ELAVL4: variants seen among roughly 807,000 people sequenced by gnomAD.
ELAVL4 encodes the protein ELAV-like protein 4.
A neutral mutation model predicts 35.6 loss-of-function variants in ELAVL4; 1 was observed. That is an observed-to-expected ratio of 0.03 (90% CI 0.01 to 0.13). The LOEUF (loss-of-function observed/expected upper bound fraction) is 0.13, where lower values mean the gene tolerates loss of function less well. Ranked by LOEUF, ELAVL4 falls within the 10% of genes least tolerant of loss-of-function variation. ELAVL4 has a pLI of 1.00. For missense variants in ELAVL4, 267 were observed against 464.9 expected (o/e 0.57, Z 3.91); for synonymous variants, 156 against 171.0 (o/e 0.91, Z 0.69).
intron 1 of ELAVL4, among the ~76,000 whole-genome samples, chr1:50,076,304 C>T (rs533921980): frequency 2.6e-5 from 4 of 152,152 alleles, no homozygotes; most frequent in African/African-American, 7.2e-5. Context: ...TCCCAACCTT[C>T]GTCAAAAATG....
intron 2 of ELAVL4, among the ~76,000 whole-genome samples, chr1:50,162,430 G>A (rs189149160): frequency 7.4e-4 from 112 of 152,274 alleles, no homozygotes; most frequent in Middle Eastern, 3.4e-3. Flanking sequence ...AATACCTACT[G>A]TAGGCCAGGC....
upstream of ELAVL4, among the ~76,000 whole-genome samples, chr1:50,102,266 T>C (rs1321006050): frequency 6.6e-6 from 1 of 150,496 alleles, no homozygotes; most frequent in African/African-American, 2.5e-5. Context: ...AGCCTGGGCG[T>C]CAAAGCGAGA....
At chr1:50,066,474 G>A (rs928292609) in intron 1 of ELAVL4, among the ~76,000 whole-genome samples, 9 of 152,054 alleles carry the variant, frequency 5.9e-5, no homozygotes, top group Non-Finnish European at 1.2e-4. Context: ...TGATACTCCA[G>A]CCTAAATCCC....
intron 1 of ELAVL4, chr1:50,109,522 T>C: frequency 2.8e-6 from 1 of 358,084 alleles, no homozygotes. Context: ...AGAAGGGTTT[T>C]CTTTTTTGTA....
At chr1:50,106,188 C>A, upstream of ELAVL4, 2 of 773,124 alleles carry the variant, frequency 2.6e-6, no homozygotes. Flanking sequence ...GGCTTCTCCA[C>A]TGCGCGGAGT....
chr1:50,150,064 A>G (rs1674509450), intron 2 of ELAVL4, among the ~76,000 whole-genome samples: 1 of 152,192 alleles, frequency 6.6e-6, no homozygotes, highest in Admixed American at 6.5e-5. Context: ...ATAGAGCTAA[A>G]ATTTTAGTCA....
intron 5 of ELAVL4, among the ~76,000 whole-genome samples, chr1:50,196,281 T>C (rs974549079): frequency 5.3e-5 from 8 of 152,180 alleles, no homozygotes; most frequent in Non-Finnish European, 8.8e-5. Flanking sequence ...TTATGTTAAG[T>C]CAGTAGATTC....
intron 1 of ELAVL4, among the ~76,000 whole-genome samples, chr1:50,125,809 T>C (rs570086020): frequency 2.4e-4 from 37 of 152,198 alleles, no homozygotes; most frequent in African/African-American, 8.9e-4. Flanking sequence ...CATAGGATTC[T>C]ACCTTTCCAT....
intron 2 of ELAVL4, among the ~76,000 whole-genome samples, chr1:50,147,598 C>T (rs934827655): frequency 6.6e-6 from 1 of 152,152 alleles, no homozygotes; most frequent in Non-Finnish European, 1.5e-5. Flanking sequence ...AGGTATATCA[C>T]ACCAGGCAAG....
chr1:50,078,968 C>T (rs1372878130), intron 1 of ELAVL4, among the ~76,000 whole-genome samples: 1 of 152,172 alleles, frequency 6.6e-6, no homozygotes, highest in Non-Finnish European at 1.5e-5. Context: ...CCATTGAGTA[C>T]CATCCATTAA....
At chr1:50,153,459 G>T (rs1476836952) in intron 2 of ELAVL4, among the ~76,000 whole-genome samples, 1 of 152,226 alleles carries the variant, frequency 6.6e-6, no homozygotes, top group Admixed American at 6.5e-5. Flanking sequence ...TAGGGCATCT[G>T]ACTGCAAAGT....
chr1:50,197,369 C>A, intron 5 of ELAVL4, 60 bp from the exon 6 acceptor site: 1 of 1,504,200 alleles, frequency 6.6e-7, no homozygotes, highest in Non-Finnish European at 8.9e-7. Flanking sequence ...ATTAATAGTT[C>A]CATTGAGCGA....
intron 2 of ELAVL4, among the ~76,000 whole-genome samples, chr1:50,164,317 G>A (rs1677347080): frequency 6.6e-6 from 1 of 152,184 alleles, no homozygotes; most frequent in South Asian, 2.1e-4. Context: ...GTTTGCACAT[G>A]TCTAGGCATG....
At chr1:50,074,083 A>G (rs2148489749) in intron 1 of ELAVL4, among the ~76,000 whole-genome samples, 1 of 152,348 alleles carries the variant, frequency 6.6e-6, no homozygotes, top group Admixed American at 6.5e-5. Context: ...TAAAGCTTCA[A>G]GATCAAGGGT....
chr1:50,048,343 C>A (rs1477118804), intron 1 of ELAVL4, among the ~76,000 whole-genome samples: 1 of 152,198 alleles, frequency 6.6e-6, no homozygotes, highest in Non-Finnish European at 1.5e-5. Context: ...GGATCCTGCC[C>A]CCGCGCTGCC....
At chr1:50,154,827 T>C (rs908485378) in intron 2 of ELAVL4, among the ~76,000 whole-genome samples, 1 of 151,860 alleles carries the variant, frequency 6.6e-6, no homozygotes. Context: ...TTTTGACATG[T>C]CACTTTGATC....
At chr1:50,116,244 G>C (rs1289736731) in intron 1 of ELAVL4, among the ~76,000 whole-genome samples, 1 of 152,078 alleles carries the variant, frequency 6.6e-6, no homozygotes, top group Non-Finnish European at 1.5e-5. Flanking sequence ...TTGCCTCCTT[G>C]CTTCTGATGT....
intron 1 of ELAVL4, among the ~76,000 whole-genome samples, chr1:50,054,135 T>G (rs1663539428): frequency 6.6e-6 from 1 of 152,216 alleles, no homozygotes; most frequent in Non-Finnish European, 1.5e-5. Flanking sequence ...AATGTTGACG[T>G]AAATATTGTC....
chr1:50,049,563 C>A (rs1268063808), intron 1 of ELAVL4, among the ~76,000 whole-genome samples: 2 of 152,146 alleles, frequency 1.3e-5, no homozygotes, highest in Non-Finnish European at 2.9e-5. Flanking sequence ...TGCATGACAC[C>A]ACTTGCTTCC....
Sources: allele counts gnomAD v4.1 joint callset (sites outside exome capture counted in the v4.1 genomes callset), GRCh38; gene constraint gnomAD v4.1.1; transcripts MANE v1.5; gene names NCBI Gene and HGNC (gene_info 2026-07-23, HGNC 2026-07-21).